Variants in NPEPPS observed in about 807,000 individuals in gnomAD.
The protein encoded by NPEPPS is aminopeptidase puromycin sensitive, also known as puromycin-sensitive aminopeptidase.
A neutral mutation model predicts 115.5 loss-of-function variants in NPEPPS; 14 were observed. The ratio of observed to expected loss-of-function variants is 0.12; its 90% CI spans 0.08 to 0.19. The LOEUF is 0.19. NPEPPS is among the 10% of genes least tolerant of loss of function. NPEPPS has a pLI of 1.00. For missense variants in NPEPPS, 523 were observed against 1,110.8 expected (o/e 0.47, Z 7.52); for synonymous variants, 285 against 390.6 (o/e 0.73, Z 3.19).
intron 2 of NPEPPS, among the ~76,000 whole-genome samples, chr17:47,546,829 C>T (rs1296114796): frequency 2.0e-5 from 3 of 152,160 alleles, no homozygotes; most frequent in South Asian, 2.1e-4. Flanking sequence ...CCACCACACC[C>T]GGCCAAATGT....
Position 47,605,454 on chromosome 17 carries a change from T to A in NPEPPS, c.1997T>A (p.Leu666Ter). The A allele has an allele frequency of 6.2e-7, 1 of 1,609,450 alleles. No individual in the cohort carries two copies. Among genetic ancestry groups the A allele is most frequent in the Non-Finnish European group, 8.5e-7 (1 of 1,177,686 alleles). The change falls in exon 17 of 23, where the codon TTG (leucine) becomes TAG (stop). Residue 666 changes from leucine to a stop codon, truncating the protein, a stop_gained. Coordinates refer to ENST00000322157, the MANE Select transcript of NPEPPS (RefSeq NM_006310.4). LOFTEE classifies it high-confidence loss of function. ...AACCTGGGGATTCTCTCAACTCTCTTGTCCCACACAGACTTCTATGAGGAA... is the reference window on the plus strand; with the variant it reads ...AACCTGGGGATTCTCTCAACTCTCTAGTCCCACACAGACTTCTATGAGGAA... Reference protein sequence around the residue: ...SCNLGILSTLLSHTDFYEEIQ... With the variant: ...SCNLGILSTL
At chr17:47,544,902 A>G (rs1909085623) in intron 1 of NPEPPS, among the ~76,000 whole-genome samples, 2 of 148,644 alleles carry the variant, frequency 1.3e-5, no homozygotes. Flanking sequence ...ATGGGGTTAC[A>G]CCATGTTGGC....
chr17:47,600,185 G>C (rs997524896), intron 14 of NPEPPS, among the ~76,000 whole-genome samples: 1 of 152,148 alleles, frequency 6.6e-6, no homozygotes, highest in Non-Finnish European at 1.5e-5. Flanking sequence ...TGTAGTCTCA[G>C]TACATTGGGA....
At chr17:47,536,484 C>T (rs901046635) in intron 1 of NPEPPS, among the ~76,000 whole-genome samples, 2 of 150,788 alleles carry the variant, frequency 1.3e-5, no homozygotes, top group Non-Finnish European at 3.0e-5. Flanking sequence ...CCTCTGCCCC[C>T]CCAGGTTCAA....
chr17:47,606,526 C>T (rs554967574), intron 17 of NPEPPS, among the ~76,000 whole-genome samples: 6 of 151,738 alleles, frequency 4.0e-5, no homozygotes, highest in African/African-American at 1.5e-4. Context: ...GGCGCCATCT[C>T]GGTTCACTGC....
chr17:47,529,445 C>T (rs555810961), upstream of NPEPPS, among the ~76,000 whole-genome samples: 13 of 148,628 alleles, frequency 8.7e-5, 1 homozygote, highest in South Asian at 2.6e-3. Context: ...CTCGTTGTCG[C>T]CCAGGCTGGA....
intron 1 of NPEPPS, among the ~76,000 whole-genome samples, chr17:47,533,034 G>A (rs1907938525): frequency 6.6e-6 from 1 of 152,216 alleles, no homozygotes; most frequent in Non-Finnish European, 1.5e-5. Context: ...GTAATGAAAT[G>A]AAGTGAAGAC....
At chr17:47,534,691 C>T (rs1209741179) in intron 1 of NPEPPS, among the ~76,000 whole-genome samples, 1 of 151,984 alleles carries the variant, frequency 6.6e-6, no homozygotes, top group Non-Finnish European at 1.5e-5. Context: ...GCCTCAGCCT[C>T]CTGGGTAGCT....
intron 2 of NPEPPS, among the ~76,000 whole-genome samples, chr17:47,562,571 C>G (rs1221394050): frequency 1.3e-5 from 2 of 151,276 alleles, no homozygotes; most frequent in Non-Finnish European, 2.9e-5. Flanking sequence ...GGTTATCATG[C>G]TCAAGTATTA....
chr17:47,531,605 C>T (rs1471540523), intron 1 of NPEPPS, 50 bp downstream of exon 1: 10 of 1,537,462 alleles, frequency 6.5e-6, no homozygotes, highest in African/African-American at 2.8e-5. Context: ...AGCAGTTAGG[C>T]CGCGCCCGCG....
At chr17:47,543,398 A>T (rs1016738736) in intron 1 of NPEPPS, among the ~76,000 whole-genome samples, 1 of 151,038 alleles carries the variant, frequency 6.6e-6, no homozygotes, top group African/African-American at 2.4e-5. Context: ...GCTCACTGCA[A>T]CCTCCACTGC....
chr17:47,547,649 C>T (rs1023084852), intron 2 of NPEPPS, among the ~76,000 whole-genome samples: 1 of 152,144 alleles, frequency 6.6e-6, no homozygotes, highest in African/African-American at 2.4e-5. Context: ...AGAGCCACCA[C>T]ACCTGGTTGC....
At chr17:47,573,904 A>T (rs1199598828) in intron 3 of NPEPPS, among the ~76,000 whole-genome samples, 1 of 152,186 alleles carries the variant, frequency 6.6e-6, no homozygotes, top group Non-Finnish European at 1.5e-5. Context: ...AGAGTTTTAA[A>T]TCTATATCAT....
At chr17:47,532,433 A>C (rs1907874797) in intron 1 of NPEPPS, among the ~76,000 whole-genome samples, 1 of 152,000 alleles carries the variant, frequency 6.6e-6, no homozygotes, top group South Asian at 2.1e-4. Flanking sequence ...AGGCGGGCGC[A>C]CTTGAGGTCA....
At chr17:47,560,826 C>T (rs1024345889) in intron 2 of NPEPPS, among the ~76,000 whole-genome samples, 7 of 152,076 alleles carry the variant, frequency 4.6e-5, no homozygotes, top group Admixed American at 1.3e-4. Flanking sequence ...AATAAAAAAA[C>T]AAAACAAAAC....
intron 1 of NPEPPS, among the ~76,000 whole-genome samples, chr17:47,543,234 A>G (rs980436163): frequency 5.9e-5 from 9 of 151,758 alleles, no homozygotes; most frequent in African/African-American, 1.7e-4. Flanking sequence ...ACACACACAC[A>G]CGAGAAAAGA....
intron 1 of NPEPPS, among the ~76,000 whole-genome samples, chr17:47,541,968 CTG>C (rs1290490763): frequency 6.6e-6 from 1 of 152,106 alleles, no homozygotes; most frequent in Non-Finnish European, 1.5e-5. Flanking sequence ...TTGTAATTTA[CTG>C]TCTCTCATTT....
chr17:47,537,895 C>CA (rs1555602230), intron 1 of NPEPPS, among the ~76,000 whole-genome samples: 1 of 137,002 alleles, frequency 7.3e-6, no homozygotes, highest in Non-Finnish European at 1.6e-5. Flanking sequence ...TTTTTTTTTT[C>CA]TTTTTTTTTT....
At chr17:47,535,440 A>C (rs1248138198) in intron 1 of NPEPPS, among the ~76,000 whole-genome samples, 1 of 130,996 alleles carries the variant, frequency 7.6e-6, no homozygotes, top group Admixed American at 8.0e-5. Flanking sequence ...AGTCCCAGCT[A>C]CTCGGGAGGC....
Sources: allele counts gnomAD v4.1 joint callset (sites outside exome capture counted in the v4.1 genomes callset), GRCh38; gene constraint gnomAD v4.1.1; transcripts MANE v1.5; gene names NCBI Gene and HGNC (gene_info 2026-07-23, HGNC 2026-07-21).